SMYD3: variants seen among roughly 807,000 people sequenced by gnomAD.
The protein encoded by SMYD3 is histone-lysine N-methyltransferase SMYD3.
SMYD3 carries 36 observed loss-of-function variants against 57.7 expected under a neutral mutation model. The observed-to-expected ratio is 0.62, with a 90% CI of 0.48 to 0.82. SMYD3 has a LOEUF of 0.82. Among genes scored for constraint, SMYD3 ranks in the 40% least tolerant of loss-of-function variants. The pLI is 0.00. For synonymous variants in SMYD3, 211 were observed against 195.0 expected, an observed-to-expected ratio of 1.08 and a Z score of -0.68; for missense variants, 515 against 538.8, an observed-to-expected ratio of 0.96 and a Z score of 0.44.
intron 7 of SMYD3, among the ~76,000 whole-genome samples, chr1:245,917,453 C>G (rs1055408835): frequency 6.6e-6 from 1 of 152,206 alleles, no homozygotes; most frequent in African/African-American, 2.4e-5. Flanking sequence ...ATAATCCCAC[C>G]TGTTCCCTCT....
At chr1:245,784,288 A>T (rs1380742354) in intron 10 of SMYD3, among the ~76,000 whole-genome samples, 2 of 152,224 alleles carry the variant, frequency 1.3e-5, no homozygotes, top group African/African-American at 4.8e-5. Context: ...GTATCTAAGC[A>T]TCTATGTATG....
intron 1 of SMYD3, among the ~76,000 whole-genome samples, chr1:246,463,994 C>G (rs2067846708): frequency 6.6e-6 from 1 of 152,050 alleles, no homozygotes; most frequent in African/African-American, 2.4e-5. Flanking sequence ...GGTCTAAAAT[C>G]TACACTTTAG....
intron 1 of SMYD3, among the ~76,000 whole-genome samples, chr1:246,464,508 C>T (rs1340255130): frequency 6.6e-6 from 1 of 152,076 alleles, no homozygotes; most frequent in Non-Finnish European, 1.5e-5. Context: ...CAGAGACAGA[C>T]CCTGTCTCAA....
intron 5 of SMYD3, among the ~76,000 whole-genome samples, chr1:246,238,208 A>T (rs10754499): frequency 0.21 from 31,519 of 151,684 alleles, 3,981 homozygotes; most frequent in East Asian, 0.58. Flanking sequence ...TTTTTTGTTG[A>T]TGTTCTTGAG....
intron 5 of SMYD3, among the ~76,000 whole-genome samples, chr1:246,227,537 C>T (rs1160282282): frequency 2.0e-5 from 3 of 152,004 alleles, no homozygotes; most frequent in East Asian, 3.9e-4. Flanking sequence ...ATCACTTGAA[C>T]GTGGGAGGCG....
chr1:245,833,662 A>C (rs1324180652), intron 10 of SMYD3, among the ~76,000 whole-genome samples: 1 of 152,236 alleles, frequency 6.6e-6, no homozygotes, highest in African/African-American at 2.4e-5. Context: ...AAGGGATCTA[A>C]GTTAAATTCA....
At chr1:245,907,669 A>C (rs2054664332) in intron 8 of SMYD3, among the ~76,000 whole-genome samples, 3 of 152,216 alleles carry the variant, frequency 2.0e-5, no homozygotes, top group Admixed American at 2.0e-4. Context: ...AACAATCAGA[A>C]AACAATTTTT....
At chr1:246,453,669 G>A (rs1417826850) in intron 1 of SMYD3, among the ~76,000 whole-genome samples, 1 of 152,060 alleles carries the variant, frequency 6.6e-6, no homozygotes, top group Non-Finnish European at 1.5e-5. Flanking sequence ...AAAGCCACAG[G>A]GTTGAAAGCA....
intron 10 of SMYD3, among the ~76,000 whole-genome samples, chr1:245,772,902 T>C (rs2046393840): frequency 6.6e-6 from 1 of 152,120 alleles, no homozygotes; most frequent in African/African-American, 2.4e-5. Flanking sequence ...CTCTTCCAGT[T>C]AGTTGAATGA....
chr1:246,503,188 C>T (rs776501021), intron 1 of SMYD3, among the ~76,000 whole-genome samples: 2 of 152,148 alleles, frequency 1.3e-5, no homozygotes, highest in Non-Finnish European at 1.5e-5. Flanking sequence ...TCTGTCCCCC[C>T]GCTGCCCACA....
chr1:246,059,232 G>A (rs10924477), intron 5 of SMYD3, among the ~76,000 whole-genome samples: 37,400 of 151,930 alleles, frequency 0.25, 5,181 homozygotes, highest in East Asian at 0.39. Context: ...GTAAACGAGG[G>A]AGGCAATAGA....
intron 10 of SMYD3, among the ~76,000 whole-genome samples, chr1:245,791,953 TGTG>T (rs1367627254): frequency 3.8e-5 from 1 of 26,090 alleles, no homozygotes; most frequent in Non-Finnish European, 7.4e-5. Flanking sequence ...ATTTTAAACT[TGTG>T]TGTGTGTGTG....
At chr1:246,318,490 G>A (rs2065199563) in intron 5 of SMYD3, among the ~76,000 whole-genome samples, 1 of 152,128 alleles carries the variant, frequency 6.6e-6, no homozygotes, top group Non-Finnish European at 1.5e-5. Context: ...AAAAATTAAA[G>A]ACCTCCTGCA....
intron 5 of SMYD3, among the ~76,000 whole-genome samples, chr1:246,263,768 A>ATTTG (rs2064054937): frequency 6.6e-6 from 1 of 152,242 alleles, no homozygotes; most frequent in South Asian, 2.1e-4. Context: ...GGCATGATCA[A>ATTTG]ACCTAAATAG....
intron 10 of SMYD3, among the ~76,000 whole-genome samples, chr1:245,779,847 C>T (rs572320146): frequency 5.9e-5 from 9 of 152,156 alleles, no homozygotes; most frequent in African/African-American, 2.2e-4. Flanking sequence ...ACAGAAGACT[C>T]GAGTGAGATG....
chr1:246,228,902 T>C (rs1034073465), intron 5 of SMYD3, among the ~76,000 whole-genome samples: 1 of 152,124 alleles, frequency 6.6e-6, no homozygotes, highest in Non-Finnish European at 1.5e-5. Context: ...AATCAAAACA[T>C]CTTTGGGATG....
intron 8 of SMYD3, among the ~76,000 whole-genome samples, chr1:245,869,451 C>T (rs528530483): frequency 1.1e-4 from 16 of 152,322 alleles, no homozygotes; most frequent in African/African-American, 3.8e-4. Context: ...TGCTATGTAA[C>T]CACTCTAGTG....
At chr1:246,153,720 C>T (rs2061978882) in intron 5 of SMYD3, among the ~76,000 whole-genome samples, 1 of 152,166 alleles carries the variant, frequency 6.6e-6, no homozygotes, top group Non-Finnish European at 1.5e-5. Context: ...AATCCTCCTG[C>T]CTTGGCCTCC....
At chr1:246,453,259 T>C (rs2067656663) in intron 1 of SMYD3, among the ~76,000 whole-genome samples, 1 of 152,196 alleles carries the variant, frequency 6.6e-6, no homozygotes, top group Admixed American at 6.5e-5. Context: ...CCGGTGCTTC[T>C]CACCACTATG....
Sources: gnomAD v4.1 joint callset for allele counts (sites outside exome capture counted in the v4.1 genomes callset) on GRCh38, gnomAD v4.1.1 for gene constraint, MANE v1.5 for transcripts, NCBI Gene and HGNC (gene_info 2026-07-23, HGNC 2026-07-21) for gene names.